Variants in TTC27 observed in about 807,000 individuals in gnomAD.
TTC27 encodes tetratricopeptide repeat protein 27.
A neutral mutation model predicts 115.9 loss-of-function variants in TTC27; 79 were observed. The ratio of observed to expected loss-of-function variants is 0.68; its 90% confidence interval spans 0.57 to 0.82. The LOEUF (loss-of-function observed/expected upper bound fraction) is 0.82. Ranked by LOEUF, TTC27 falls within the 40% of genes least tolerant of loss-of-function variation. TTC27 has a pLI of 0.00. For synonymous variants in TTC27, 401 were observed against 356.0 expected, an observed-to-expected ratio of 1.13 and a Z score of -1.42; for missense variants, 1,054 against 993.1, an observed-to-expected ratio of 1.06 and a Z score of -0.82.
chr2:32,658,097 G>C (rs1273794133), intron 5 of TTC27, among the ~76,000 whole-genome samples: 1 of 152,052 alleles, frequency 6.6e-6, no homozygotes, highest in Non-Finnish European at 1.5e-5. Context: ...CAAAGTGCTG[G>C]GATTATAGAC....
chr2:32,755,619 C>T (rs568167419), intron 12 of TTC27, among the ~76,000 whole-genome samples: 202 of 108,044 alleles, frequency 1.9e-3, no homozygotes, highest in African/African-American at 6.6e-3. Context: ...AGAGGGAGAC[C>T]GTGGGGAGAC....
intron 13 of TTC27, among the ~76,000 whole-genome samples, chr2:32,772,338 T>C (rs1001574036): frequency 6.6e-6 from 1 of 152,342 alleles, no homozygotes; most frequent in South Asian, 2.1e-4. Context: ...AACTGATTTC[T>C]AAGGTCTCTA....
In TTC27 at chr2:32,682,844, G is replaced by GTTTTTTTTTTTTTTTTTTT. The variant is rs142030247; in HGVS notation, c.1119+3924_1119+3925insTTTTTTTTTTTTTTTTTTT. Among the ~76,000 whole-genome samples the GTTTTTTTTTTTTTTTTTTT allele has an allele frequency of 6.1e-4, 35 of 56,980 alleles. 10 individuals are homozygous for GTTTTTTTTTTTTTTTTTTT. The highest frequency in any genetic ancestry group is 1.9e-3 in the South Asian group (2 of 1,070). The allele number at this position is 56,980 out of a possible 152,430, so 37.4% of individuals were successfully genotyped here. A position where few individuals can be genotyped will look rare whatever the true frequency, so the allele number is the denominator to read the frequency against. On this transcript the variant is annotated intron_variant, in intron 9 of 19. Transcript: ENST00000317907. ...CCACCACACCCGGATAATTTTTATTGTTGTTTTTTTTTTTTTTTTTTTTTT... is the reference window on the plus strand; with the variant it reads ...CCACCACACCCGGATAATTTTTATTGTTTTTTTTTTTTTTTTTTTTTGTTTTTTTTTTTTTTTTTTTTTT...
intron 5 of TTC27, among the ~76,000 whole-genome samples, chr2:32,651,955 T>C (rs1477173929): frequency 6.6e-6 from 1 of 152,198 alleles, no homozygotes; most frequent in Non-Finnish European, 1.5e-5. Flanking sequence ...CCTGGGGGTC[T>C]AGCAGGGGGC....
chr2:32,794,497 A>G (rs1370181806), intron 16 of TTC27, among the ~76,000 whole-genome samples: 1 of 152,206 alleles, frequency 6.6e-6, no homozygotes, highest in Non-Finnish European at 1.5e-5. Context: ...TTAAAACACA[A>G]GAAATATTTC....
chr2:32,816,987 G>A (rs1162010680), intron 18 of TTC27, among the ~76,000 whole-genome samples: 2 of 152,166 alleles, frequency 1.3e-5, no homozygotes, highest in Admixed American at 6.5e-5. Flanking sequence ...GCGTGTGTGT[G>A]CTCGAATGCA....
chr2:32,725,020 C>A (rs1668060136), intron 10 of TTC27, among the ~76,000 whole-genome samples: 2 of 152,180 alleles, frequency 1.3e-5, no homozygotes, highest in Admixed American at 1.3e-4. Flanking sequence ...ATAAAACCAC[C>A]AGATCTTGTG....
chr2:32,679,863 A>G (rs1460091839), intron 9 of TTC27, among the ~76,000 whole-genome samples: 1 of 152,080 alleles, frequency 6.6e-6, no homozygotes, highest in Non-Finnish European at 1.5e-5. Flanking sequence ...TTGGTGGTAC[A>G]TGTCTGTAAC....
intron 9 of TTC27, among the ~76,000 whole-genome samples, chr2:32,694,284 G>T (rs1191491042): frequency 6.6e-6 from 1 of 152,152 alleles, no homozygotes; most frequent in African/African-American, 2.4e-5. Context: ...AAATTAAAGT[G>T]TTTACTATAA....
intron 10 of TTC27, among the ~76,000 whole-genome samples, chr2:32,712,816 G>A (rs1377333333): frequency 2.0e-5 from 3 of 151,910 alleles, no homozygotes; most frequent in Non-Finnish European, 4.4e-5. Context: ...CACAGTGTTG[G>A]GATTACAGGC....
chr2:32,749,917 A>G (rs1668953068), intron 12 of TTC27, among the ~76,000 whole-genome samples: 1 of 152,248 alleles, frequency 6.6e-6, no homozygotes, highest in South Asian at 2.1e-4. Context: ...TGGGAAAAAA[A>G]AAAGATTTTA....
chr2:32,736,678 T>A lies in TTC27; in HGVS notation c.1330-16T>A, dbSNP rs10200333. ...TACACCAAGAAGTATTAATTATTTT[T>A]ACTTGATTTTTCTAGCGCCAACTTG... On this transcript the variant is annotated splice_polypyrimidine_tract_variant and intron_variant, in intron 11 of 19. Transcript: ENST00000317907. 1,611,034 of 1,613,680 alleles carry A rather than the reference T, an allele frequency of 1. 804,238 individuals carry two copies. Among genetic ancestry groups the A allele is most frequent in the East Asian group, 1 (44,856 of 44,856 alleles).
Position 32,630,441 on chromosome 2 carries a change from G to A in TTC27, c.89-82G>A, listed in dbSNP as rs1664136433. 19 of 1,105,440 alleles carry A rather than the reference G, an allele frequency of 1.7e-5. No homozygotes were observed. In the South Asian group the frequency reaches 3.2e-4, roughly 18 times the overall value. 68.5% of individuals were successfully genotyped at this position (1,105,440 alleles called of 1,614,324 possible). Reference sequence around the variant, plus strand: ...TAGATTGTTTTTGCACACTAAAATGGTAGATTTACCTAATAGTGTTATCCT... The same window carrying A: ...TAGATTGTTTTTGCACACTAAAATGATAGATTTACCTAATAGTGTTATCCT... On this transcript the variant is annotated intron_variant, in intron 1 of 19. Transcript: ENST00000317907.
At chr2:32,726,117 C>CT (rs1668101793) in intron 10 of TTC27, among the ~76,000 whole-genome samples, 2 of 152,210 alleles carry the variant, frequency 1.3e-5, no homozygotes, top group African/African-American at 4.8e-5. Flanking sequence ...GCCTCCGGAC[C>CT]TGTTATTGGA....
chr2:32,653,179 TGAA>T (rs1159877420), intron 5 of TTC27, among the ~76,000 whole-genome samples: 1 of 152,356 alleles, frequency 6.6e-6, no homozygotes, highest in East Asian at 1.9e-4. Context: ...TTTAGCTGTT[TGAA>T]GAAGACCTCA....
intron 9 of TTC27, among the ~76,000 whole-genome samples, chr2:32,689,829 T>C (rs752201422): frequency 6.6e-6 from 1 of 152,186 alleles, no homozygotes; most frequent in Non-Finnish European, 1.5e-5. Context: ...TAGAATAGCA[T>C]AGGTAATTGA....
At chr2:32,667,109 C>T (rs1665809421) in intron 7 of TTC27, among the ~76,000 whole-genome samples, 1 of 152,094 alleles carries the variant, frequency 6.6e-6, no homozygotes, top group Non-Finnish European at 1.5e-5. Context: ...AGACCAGTTT[C>T]TCTATCTGCT....
At chr2:32,632,679 T>A (rs1180077041) in intron 2 of TTC27, among the ~76,000 whole-genome samples, 1 of 152,206 alleles carries the variant, frequency 6.6e-6, no homozygotes, top group African/African-American at 2.4e-5. Context: ...TGATTTTTTT[T>A]TTTCTTTTTC....
intron 13 of TTC27, among the ~76,000 whole-genome samples, chr2:32,769,145 T>C (rs1304255803): frequency 6.6e-6 from 1 of 152,170 alleles, no homozygotes; most frequent in Non-Finnish European, 1.5e-5. Context: ...TGTCCTGAGC[T>C]TTGGGCATCT....
Sources: gnomAD v4.1 joint callset for allele counts (sites outside exome capture counted in the v4.1 genomes callset) on GRCh38, gnomAD v4.1.1 for gene constraint, MANE v1.5 for transcripts, NCBI Gene and HGNC (gene_info 2026-07-23, HGNC 2026-07-21) for gene names.